ULK4: variants seen among roughly 807,000 people sequenced by gnomAD.
ULK4 encodes the protein inactive serine/threonine-protein kinase ULK4.
ULK4 carries 133 observed loss-of-function variants against 160.6 expected under a neutral mutation model. That is an observed-to-expected ratio of 0.83 (90% confidence interval 0.72 to 0.96). The LOEUF is 0.96. ULK4 is among the 40% of genes least tolerant of loss of function. ULK4 has a pLI of 0.00. For synonymous variants in ULK4, 534 were observed against 539.8 expected (o/e 0.99, Z 0.15); for missense variants, 1,580 against 1,499.5 (o/e 1.05, Z -0.89).
At chr3:41,300,825 T>C (rs2079772206) in intron 35 of ULK4, among the ~76,000 whole-genome samples, 1 of 129,912 alleles carries the variant, frequency 7.7e-6, no homozygotes, top group Non-Finnish European at 1.6e-5. Flanking sequence ...TAAATTTTGA[T>C]CATTTTACAG....
chr3:41,942,280 A>T (rs1699983016), intron 2 of ULK4, among the ~76,000 whole-genome samples: 1 of 152,224 alleles, frequency 6.6e-6, no homozygotes, highest in Non-Finnish European at 1.5e-5. Flanking sequence ...ACACTTTGGG[A>T]GGCCAAGGTG....
intron 35 of ULK4, among the ~76,000 whole-genome samples, chr3:41,346,152 G>A (rs945395443): frequency 6.1e-4 from 93 of 152,174 alleles, no homozygotes; most frequent in African/African-American, 2.2e-3. Context: ...GGAGGAACCC[G>A]CTGGCTGGGC....
chr3:41,865,279 A>AT (rs2042592048), intron 17 of ULK4, among the ~76,000 whole-genome samples: 1 of 128,322 alleles, frequency 7.8e-6, no homozygotes, highest in Non-Finnish European at 1.6e-5. Context: ...TTTAAAAAAA[A>AT]AAAAAAAAAA....
chr3:41,529,689 C>T (rs151336288), intron 32 of ULK4, among the ~76,000 whole-genome samples: 4,338 of 152,226 alleles, frequency 0.028, 186 homozygotes, highest in African/African-American at 0.094. Flanking sequence ...GGCAGGGTTT[C>T]GCCATGTTGG....
At chr3:41,947,255 G>A (rs1037856201) in intron 2 of ULK4, among the ~76,000 whole-genome samples, 9 of 152,204 alleles carry the variant, frequency 5.9e-5, no homozygotes, top group African/African-American at 1.7e-4. Flanking sequence ...AGCTTGCGGT[G>A]AGCCGAGACT....
intron 35 of ULK4, among the ~76,000 whole-genome samples, chr3:41,377,718 G>A (rs1324078568): frequency 2.7e-5 from 4 of 147,696 alleles, no homozygotes; most frequent in Non-Finnish European, 5.9e-5. Flanking sequence ...AAAAAGTCAG[G>A]AAACAACAGG....
chr3:41,797,270 A>T (rs1237858689), intron 20 of ULK4, among the ~76,000 whole-genome samples: 1 of 152,196 alleles, frequency 6.6e-6, no homozygotes, highest in Admixed American at 6.5e-5. Flanking sequence ...ACTGTATATG[A>T]GCTACAAAAC....
chr3:41,471,578 T>G (rs75614048), intron 32 of ULK4, among the ~76,000 whole-genome samples: 1 of 152,146 alleles, frequency 6.6e-6, no homozygotes, highest in African/African-American at 2.4e-5. Context: ...TTCTTCAGGA[T>G]AGATTATACG....
intron 32 of ULK4, among the ~76,000 whole-genome samples, chr3:41,504,723 C>T (rs1190189561): frequency 6.6e-6 from 1 of 152,024 alleles, no homozygotes; most frequent in African/African-American, 2.4e-5. Context: ...TGAACATATC[C>T]ACATCAATAT....
At chr3:41,268,942 C>T (rs535887423) in intron 35 of ULK4, among the ~76,000 whole-genome samples, 2 of 152,174 alleles carry the variant, frequency 1.3e-5, no homozygotes, top group African/African-American at 2.4e-5. Context: ...AGATGCAGCT[C>T]GCGAAGGCCC....
At chr3:41,878,078 CA>C (rs1243537942) in intron 17 of ULK4, among the ~76,000 whole-genome samples, 2 of 121,462 alleles carry the variant, frequency 1.6e-5, no homozygotes, top group Non-Finnish European at 3.4e-5. Flanking sequence ...AAAGCTCTAC[CA>C]GGAAAAAAAA....
chr3:41,400,553 T>G (rs1211859703), intron 34 of ULK4, among the ~76,000 whole-genome samples: 1 of 152,222 alleles, frequency 6.6e-6, no homozygotes, highest in Non-Finnish European at 1.5e-5. Context: ...ATGACATAGA[T>G]GTACCATAGT....
chr3:41,246,921 C>T lies in ULK4; in HGVS notation c.*8G>A, dbSNP rs375325027. The T allele has an allele frequency of 1.9e-6, 3 of 1,613,486 alleles. No individual in the cohort carries two copies. The highest frequency in any genetic ancestry group is 1.3e-5 in the African/African-American group (1 of 75,076). ...CACAGGGCGGGCTTGTGCTAAGCAC[C>T]TTCTTGCCTAGTGCCCAACGGCTTG... On this transcript the variant is annotated 3_prime_UTR_variant, in exon 37 of 37. Transcript: ENST00000301831.
At chr3:41,787,138 T>C (rs745485989) in intron 21 of ULK4, among the ~76,000 whole-genome samples, 19 of 152,044 alleles carry the variant, frequency 1.2e-4, no homozygotes, top group Non-Finnish European at 2.6e-4. Context: ...AAAGAGCAAG[T>C]AGGGAGCCTA....
At chr3:41,495,512 G>A (rs550729734) in intron 32 of ULK4, among the ~76,000 whole-genome samples, 358 of 151,532 alleles carry the variant, frequency 2.4e-3, no homozygotes, top group East Asian at 0.013. Context: ...CAGGACATAG[G>A]CATGGGCAAG....
intron 32 of ULK4, among the ~76,000 whole-genome samples, chr3:41,477,397 G>T (rs188988895): frequency 2.6e-5 from 4 of 152,266 alleles, no homozygotes; most frequent in South Asian, 4.1e-4. Context: ...CATTTTTAAT[G>T]ATTTGAAAAT....
chr3:41,461,356 A>G (rs893694843), intron 33 of ULK4, among the ~76,000 whole-genome samples: 3 of 152,180 alleles, frequency 2.0e-5, no homozygotes, highest in Admixed American at 6.5e-5. Context: ...AGGGTTTTGG[A>G]AAGTACTTAT....
chr3:41,711,225 G>A (rs1207532961), intron 25 of ULK4, among the ~76,000 whole-genome samples: 3 of 152,210 alleles, frequency 2.0e-5, no homozygotes, highest in Non-Finnish European at 2.9e-5. Context: ...CAATGACCCA[G>A]AAATCTGCAG....
At chr3:41,458,210 A>T (rs767476144) in intron 33 of ULK4, among the ~76,000 whole-genome samples, 5 of 152,168 alleles carry the variant, frequency 3.3e-5, no homozygotes, top group Admixed American at 2.6e-4. Context: ...AGGTAGAAAC[A>T]TACATTTAGT....
Sources: allele counts gnomAD v4.1 joint callset (sites outside exome capture counted in the v4.1 genomes callset), GRCh38; gene constraint gnomAD v4.1.1; transcripts MANE v1.5; gene names NCBI Gene and HGNC (gene_info 2026-07-23, HGNC 2026-07-21).